LPIN1: variants seen among roughly 807,000 people sequenced by gnomAD.
LPIN1 encodes the protein lipin 1.
LPIN1 carries 71 observed loss-of-function variants against 107.5 expected under a neutral mutation model. The observed-to-expected ratio is 0.66, with a 90% CI of 0.55 to 0.80. The LOEUF (loss-of-function observed/expected upper bound fraction) is 0.80, where lower values mean the gene tolerates loss of function less well. LPIN1 is among the 30% of genes least tolerant of loss of function. LPIN1 has a pLI of 0.00. For synonymous variants in LPIN1, 445 were observed against 452.6 expected (o/e 0.98, Z 0.21); for missense variants, 1,043 against 1,160.6 (o/e 0.90, Z 1.47).
Position 11,814,060 on chromosome 2 carries a change from G to C in LPIN1, c.2250-1028G>C, listed in dbSNP as rs945779104. Reference sequence around the variant, plus strand: ...TCCCAGGTCCTCTAGGGAGTGTGGGGGGTGTGGAGAAATGAGGCCTGAGAA... The same window carrying C: ...TCCCAGGTCCTCTAGGGAGTGTGGGCGGTGTGGAGAAATGAGGCCTGAGAA... On this transcript the variant is annotated intron_variant, in intron 17 of 20. Transcript: ENST00000674199. Among the ~76,000 whole-genome samples the C allele has an allele frequency of 7.2e-5, 11 of 152,188 alleles. No individual in the cohort carries two copies. The East Asian group carries it at 1.9e-3, about 27-fold the overall frequency.
chr2:11,824,702 C>G lies in LPIN1; in HGVS notation c.2692C>G (p.Pro898Ala), dbSNP rs763125102. 2.5e-6 allele frequency: 4 copies of G among 1,614,166 alleles called. No homozygotes were observed. Among genetic ancestry groups the G allele is most frequent in the Non-Finnish European group, 3.4e-6 (4 of 1,180,034 alleles). The change falls in exon 21 of 21, where the codon CCC (proline) becomes GCC (alanine). Residue 898 changes from proline to alanine, a missense_variant. By Grantham distance (27) the Pro-to-Ala change is conservative (BLOSUM62 -1). Coordinates refer to ENST00000674199, the MANE Select transcript of LPIN1 (RefSeq NM_001349206.2). Reference protein sequence around the residue: ...LLKRSHSSDFPCSDTFSNFTF... With the variant: ...LLKRSHSSDFACSDTFSNFTF... ...GAAAAGAAGCCATTCTTCAGACTTT[C>G]CCTGTTCGGATACCTTCAGTAACTT... is the stretch of plus-strand genomic sequence containing the variant.
At chr2:11,690,111 A>T (rs1325533974) in intron 1 of LPIN1, among the ~76,000 whole-genome samples, 1 of 152,180 alleles carries the variant, frequency 6.6e-6, no homozygotes, top group Non-Finnish European at 1.5e-5. Flanking sequence ...TATTGTTTTC[A>T]GTAAAAAAAA....
rs1045144318 is a variant in LPIN1 at position 11,707,021 on chromosome 2, A to G, written c.82-6735A>G. Among the ~76,000 whole-genome samples the G allele has an allele frequency of 2.6e-5, 4 of 152,232 alleles. No homozygotes were observed. Among genetic ancestry groups the G allele is most frequent in the African/African-American group, 4.8e-5 (2 of 41,460 alleles). ...GTGGAAATAGCTTTGGTGAAAGAGCATGGGTACTGACTAAACGTTACCTTT... is the reference window on the plus strand; with the variant it reads ...GTGGAAATAGCTTTGGTGAAAGAGCGTGGGTACTGACTAAACGTTACCTTT... On this transcript the variant is annotated intron_variant, in intron 1 of 21. Coordinates refer to the LPIN1 transcript ENST00000449576. This position sits in a 1 kb window ranked among gnomAD's most constrained non-coding sequence, Gnocchi z 4.2.
At chr2:11,694,129 C>T (rs892861297) in intron 1 of LPIN1, among the ~76,000 whole-genome samples, 8 of 151,460 alleles carry the variant, frequency 5.3e-5, no homozygotes, top group African/African-American at 9.7e-5. Flanking sequence ...CCACCATGCC[C>T]GACCAAGAGC....
At chr2:11,699,419 G>T (rs73179390) in intron 1 of LPIN1, among the ~76,000 whole-genome samples, 2,839 of 152,254 alleles carry the variant, frequency 0.019, 83 homozygotes, top group African/African-American at 0.064. Context: ...GATGTCAGCG[G>T]GTATGGGTAT....
chr2:11,822,071 T>C (rs1286357195), intron 20 of LPIN1, among the ~76,000 whole-genome samples: 1 of 152,080 alleles, frequency 6.6e-6, no homozygotes, highest in Non-Finnish European at 1.5e-5. Flanking sequence ...ATTTAGGATC[T>C]GTGTTATAGT....
In LPIN1 at chr2:11,701,347, A is replaced by G. The variant is rs141331557; in HGVS notation, c.82-12409A>G. 5.5e-3 allele frequency among the ~76,000 whole-genome samples: 835 copies of G among 152,284 alleles called. 3 individuals are homozygous for G. Among genetic ancestry groups the G allele is most frequent in the Non-Finnish European group, 8.2e-3 (555 of 68,030 alleles). On this transcript the variant is annotated intron_variant, in intron 1 of 21. Coordinates refer to the LPIN1 transcript ENST00000449576. ...TCTTAGTTATCTTCGTAATTACCCC[A>G]CTGATGAACTCAGTGCCTAGCACAG...
At position 11,789,356 on chromosome 2, in the gene LPIN1, C is replaced by T. The variant is rs563373252; in HGVS notation, c.1713+900C>T. ...ACGTGCATGTGTATGCATTTGCATG[C>T]GTGTGTGTGCGCATGTATGTGTGTG... is the stretch of plus-strand genomic sequence containing the variant. On this transcript the variant is annotated intron_variant, in intron 12 of 20. Coordinates refer to ENST00000674199, the MANE Select transcript of LPIN1 (RefSeq NM_001349206.2). Among the ~76,000 whole-genome samples the T allele has an allele frequency of 2.9e-4, 44 of 151,536 alleles. No homozygotes were observed. In the South Asian group the frequency reaches 3.8e-3, roughly 13 times the overall value.
At chr2:11,772,387 A>G (rs750496656) in intron 4 of LPIN1, among the ~76,000 whole-genome samples, 8 of 152,230 alleles carry the variant, frequency 5.3e-5, no homozygotes, top group Non-Finnish European at 1.2e-4. Flanking sequence ...GGTGATGCCA[A>G]ACCTCCTTGG....
intron 1 of LPIN1, among the ~76,000 whole-genome samples, chr2:11,760,326 C>T (rs1470065142): frequency 2.0e-5 from 3 of 152,234 alleles, no homozygotes; most frequent in Non-Finnish European, 4.4e-5. Flanking sequence ...GAGGCCAAGG[C>T]AGGCGGCTGG....
Position 11,786,158 on chromosome 2 carries a change from G to A in LPIN1, c.1550-916G>A, listed in dbSNP as rs1674536000. Among the ~76,000 whole-genome samples, 1 of 152,124 alleles carries A rather than the reference G, an allele frequency of 6.6e-6. No homozygotes were observed. The highest frequency in any genetic ancestry group is 1.5e-5 in the Non-Finnish European group (1 of 68,000). ...CAGCTGTCCAGTCCTTACAGGTGAG[G>A]CCAGATCGTCACAGTCAGGAGACCC... On this transcript the variant is annotated intron_variant, in intron 10 of 20. Coordinates refer to ENST00000674199, the MANE Select transcript of LPIN1 (RefSeq NM_001349206.2). The surrounding 1 kb of genome is among the most constrained non-coding windows in gnomAD (Gnocchi z 4.1).
In LPIN1 at chr2:11,783,856, A is replaced by G. The variant is rs2148658819; in HGVS notation, c.1292A>G (p.Asp431Gly). ...AAACGAAGCCGACATCTTGGTGCTGACGGCGTCTACTTGGATGACCTCACA... is the reference window on the plus strand; with the variant it reads ...AAACGAAGCCGACATCTTGGTGCTGGCGGCGTCTACTTGGATGACCTCACA... The part of the protein sequence containing the change: ...RDKRSRHLGA[D>G]GVYLDDLTDM... Residue 431 changes from aspartate (D) to glycine (G), a missense_variant, in exon 9 of 21, where the codon GAC (aspartate) becomes GGC (glycine). Asp to Gly is a moderately conservative substitution (Grantham distance 94, BLOSUM62 -1). Coordinates refer to ENST00000674199, the MANE Select transcript of LPIN1 (RefSeq NM_001349206.2). 6.2e-6 allele frequency: 10 copies of G among 1,614,134 alleles called. No individual in the cohort carries two copies. Among genetic ancestry groups the G allele is most frequent in the Non-Finnish European group, 8.5e-6 (10 of 1,179,998 alleles).
chr2:11,814,569 G>A (rs1414147286), intron 17 of LPIN1, among the ~76,000 whole-genome samples: 1 of 150,454 alleles, frequency 6.6e-6, no homozygotes, highest in Non-Finnish European at 1.5e-5. Flanking sequence ...GGCTTGGCTT[G>A]TTTTAAGGAT....
intron 1 of LPIN1, among the ~76,000 whole-genome samples, chr2:11,734,789 G>A (rs73917107): frequency 6.6e-6 from 1 of 152,162 alleles, no homozygotes; most frequent in African/African-American, 2.4e-5. Context: ...GACAGAGAAA[G>A]AATTTACAGT....
chr2:11,712,587 C>G (rs1330817119), intron 1 of LPIN1, among the ~76,000 whole-genome samples: 1 of 152,178 alleles, frequency 6.6e-6, no homozygotes, highest in South Asian at 2.1e-4. Flanking sequence ...TAAAGCAACA[C>G]CATTAACTAA....
In LPIN1 at chr2:11,791,911, C is replaced by T; in HGVS notation, c.1714-3C>T. ...TATTTATGTTACCATCCATTTAAAA[C>T]AGGCCACTGTGGAATCTATCATGAG... On this transcript the variant is annotated splice_region_variant and splice_polypyrimidine_tract_variant and intron_variant, in intron 12 of 20. Coordinates refer to ENST00000674199, the MANE Select transcript of LPIN1 (RefSeq NM_001349206.2). 2 of 1,613,162 alleles carry T rather than the reference C, an allele frequency of 1.2e-6. No individual in the cohort carries two copies. Among genetic ancestry groups the T allele is most frequent in the Non-Finnish European group, 1.7e-6 (2 of 1,179,484 alleles).
chr2:11,783,586 A>G (rs937098905), intron 8 of LPIN1, among the ~76,000 whole-genome samples: 4 of 152,232 alleles, frequency 2.6e-5, no homozygotes, highest in Admixed American at 2.0e-4. Context: ...GAATAAGTCC[A>G]TCAAAACCAC....
chr2:11,716,727 G>A lies in LPIN1; in HGVS notation c.138+2915G>A, dbSNP rs565202603. Among the ~76,000 whole-genome samples, 4 of 152,264 alleles carry A rather than the reference G, an allele frequency of 2.6e-5. No individual in the cohort carries two copies. In the South Asian group the frequency reaches 8.3e-4, roughly 32 times the overall value. On this transcript the variant is annotated intron_variant, in intron 2 of 21. Transcript: ENST00000449576. ...AGGGAAAGTTTTTCTAAGAGGTCAA[G>A]CTCTTGGTTTGAAGAATCTAGCTGT... is the stretch of plus-strand genomic sequence containing the variant.
intron 1 of LPIN1, among the ~76,000 whole-genome samples, chr2:11,748,006 G>C (rs1238242146): frequency 1.3e-5 from 2 of 152,204 alleles, no homozygotes; most frequent in South Asian, 2.1e-4. Flanking sequence ...CCCAGGTCTC[G>C]CTTATCAGCA....
Sources: allele counts gnomAD v4.1 joint callset (sites outside exome capture counted in the v4.1 genomes callset), GRCh38; gene constraint gnomAD v4.1.1; non-coding constraint Gnocchi (gnomAD v3.1); transcripts MANE v1.5; gene names NCBI Gene and HGNC (gene_info 2026-07-23, HGNC 2026-07-21).